PI4KA: variants seen among roughly 807,000 people sequenced by gnomAD.
PI4KA encodes phosphatidylinositol 4-kinase alpha.
In PI4KA, 122 loss-of-function variants were observed where a neutral mutation model predicts 271.4. The observed-to-expected ratio is 0.45, with a 90% CI of 0.39 to 0.52. The LOEUF (loss-of-function observed/expected upper bound fraction) is 0.52, where lower values mean the gene tolerates loss of function less well. Ranked by LOEUF, PI4KA falls within the 20% of genes least tolerant of loss-of-function variation. PI4KA has a pLI of 0.00. For missense variants in PI4KA, 1,969 were observed against 2,769.1 expected, an observed-to-expected ratio of 0.71 and a Z score of 6.48; for synonymous variants, 1,041 against 1,078.8, an observed-to-expected ratio of 0.96 and a Z score of 0.69.
At chr22:20,826,427 A>C (rs1385451801) in intron 3 of PI4KA, among the ~76,000 whole-genome samples, 1 of 152,174 alleles carries the variant, frequency 6.6e-6, no homozygotes, top group Non-Finnish European at 1.5e-5. Flanking sequence ...TACACATACG[A>C]CATTTTCTTT....
Position 20,788,707 on chromosome 22 carries a change from C to A in PI4KA, c.2328+4486G>T, listed in dbSNP as rs191763718. On this transcript the variant is annotated intron_variant, in intron 19 of 54. Coordinates refer to ENST00000255882, the MANE Select transcript of PI4KA (RefSeq NM_058004.4). ...GAACCCTGATGCTGCGGATGGCCCA[C>A]TCCTTCAATTCATTCTCCAATCTGC... is the stretch of plus-strand genomic sequence containing the variant. 5.6e-3 allele frequency among the ~76,000 whole-genome samples: 859 copies of A among 152,292 alleles called. 5 individuals carry two copies. Among genetic ancestry groups the A allele is most frequent in the African/African-American group, 0.019 (797 of 41,556 alleles).
intron 3 of PI4KA, among the ~76,000 whole-genome samples, chr22:20,828,805 G>A (rs538070425): frequency 5.9e-5 from 9 of 152,136 alleles, no homozygotes; most frequent in African/African-American, 1.2e-4. Context: ...CGCCCACCTC[G>A]GCCTCCCAAA....
At chr22:20,810,820 G>A (rs572986519) in intron 9 of PI4KA, 147 bp downstream of exon 9, 44 of 696,216 alleles carry the variant, frequency 6.3e-5, no homozygotes, top group South Asian at 4.8e-4. Context: ...AGCCCTCCGC[G>A]GCAGGTGGAT....
chr22:20,752,229 A>C (rs1230654657), intron 25 of PI4KA, among the ~76,000 whole-genome samples: 1 of 152,232 alleles, frequency 6.6e-6, no homozygotes, highest in Non-Finnish European at 1.5e-5. Context: ...CAGGAAGCCC[A>C]GCTCAGACAC....
At chr22:20,722,247 T>C (rs988359318) in intron 42 of PI4KA, among the ~76,000 whole-genome samples, 1 of 152,150 alleles carries the variant, frequency 6.6e-6, no homozygotes, top group African/African-American at 2.4e-5. Context: ...AGTGCAGTGG[T>C]ACAATCTCAG....
intron 3 of PI4KA, among the ~76,000 whole-genome samples, chr22:20,829,390 G>GTA (rs1160242601): frequency 6.6e-6 from 1 of 152,080 alleles, no homozygotes; most frequent in Non-Finnish European, 1.5e-5. Flanking sequence ...TTGGTAGGTT[G>GTA]TATATGTCCA....
chr22:20,727,770 C>T lies in PI4KA; in HGVS notation c.4773+4G>A, dbSNP rs1483295254. 1.2e-6 allele frequency: 2 copies of T among 1,611,896 alleles called. No homozygotes were observed. Among genetic ancestry groups the T allele is most frequent in the Admixed American group, 1.7e-5 (1 of 59,998 alleles). On this transcript the variant is annotated splice_donor_region_variant and intron_variant, in intron 40 of 54. Transcript: ENST00000255882. ...CTCAGGCCCTGGTACGTGGGCTACA[C>T]TACCTTGATTGCTTCAGGCACATCA...
At chr22:20,786,998 C>T (rs758948990) in intron 19 of PI4KA, 43 of 1,614,076 alleles carry the variant, frequency 2.7e-5, no homozygotes, top group Non-Finnish European at 3.6e-5. Context: ...CTTTCTTTTC[C>T]TCATCTACGA....
chr22:20,857,249 G>A (rs1927711997), intron 1 of PI4KA, among the ~76,000 whole-genome samples: 1 of 152,188 alleles, frequency 6.6e-6, no homozygotes, highest in Non-Finnish European at 1.5e-5. Context: ...TTTAAATTCA[G>A]AGGTTCCATT....
rs1182827954 is a variant in PI4KA at position 20,858,581 on chromosome 22, A to C, written c.145T>G (p.Ser49Ala). The C allele has an allele frequency of 7.0e-7, 1 of 1,427,166 alleles. No homozygotes were observed. 88.4% of individuals were successfully genotyped at this position (1,427,166 alleles called of 1,614,324 possible). A position where few individuals can be genotyped will look rare whatever the true frequency, so the allele number is the denominator to read the frequency against. Reference sequence around the variant, plus strand: ...CCCGCCGACGTTACCTTCTCCAAGGATGCTGGTCTCTGCACCGCCAGGGAG... The same window carrying C: ...CCCGCCGACGTTACCTTCTCCAAGGCTGCTGGTCTCTGCACCGCCAGGGAG... The part of the protein sequence containing the change: ...ARSLAVQRPA[S>A]LEKVQKLLCM... Residue 49 changes from serine to alanine, a missense_variant, in exon 1 of 55, where the codon TCC becomes GCC. Transcript: ENST00000255882.
At chr22:20,850,450 A>T (rs532992743) in intron 1 of PI4KA, among the ~76,000 whole-genome samples, 241 of 149,338 alleles carry the variant, frequency 1.6e-3, no homozygotes, top group African/African-American at 4.4e-3. Context: ...TTAAAAAAAA[A>T]TTTTTTTTTT....
At chr22:20,812,012 CAAAAA>C (rs361795) in intron 8 of PI4KA, among the ~76,000 whole-genome samples, 2 of 77,468 alleles carry the variant, frequency 2.6e-5, no homozygotes, top group East Asian at 3.4e-4. Context: ...GACTCCATCT[CAAAAA>C]AAAAAAAAAA....
At chr22:20,738,988 G>C (rs1249602355) in intron 32 of PI4KA, among the ~76,000 whole-genome samples, 1 of 143,660 alleles carries the variant, frequency 7.0e-6, no homozygotes, top group Non-Finnish European at 1.5e-5. Flanking sequence ...GGATCACAAG[G>C]TCAGGAGATC....
chr22:20,807,453 G>A lies in PI4KA; in HGVS notation c.1077C>T (p.Asn359=). 1 of 1,607,852 alleles carries A rather than the reference G, an allele frequency of 6.2e-7. No homozygotes were observed. Among genetic ancestry groups the A allele is most frequent in the Non-Finnish European group, 8.5e-7 (1 of 1,174,320 alleles). The change falls in exon 10 of 55, where the codon AAC becomes AAT. Residue 359 remains asparagine (N), a synonymous_variant. Transcript: ENST00000255882. The part of the protein sequence containing the change: ...DAIVASVMEA[N]PSADLYYTSF... ...AAGTGTAGTAGAGATCAGCACTGGG[G>A]TTGGCCTGCAGGGAAGGCAGACACA...
In PI4KA at chr22:20,753,116, C is replaced by T. The variant is rs146456725; in HGVS notation, c.2856G>A (p.Ala952=). 4.0e-5 allele frequency: 64 copies of T among 1,613,936 alleles called. No homozygotes were observed. The highest frequency in any genetic ancestry group is 1.7e-4 in the Middle Eastern group (1 of 6,026). The change falls in exon 24 of 55, where the codon GCG becomes GCA. Residue 952 remains alanine (A), a synonymous_variant. Coordinates refer to ENST00000255882, the MANE Select transcript of PI4KA (RefSeq NM_058004.4). ...KVFDAFLNMM[A]DKAKTKENEE... is the part of the protein sequence containing the mutation. The stretch of plus-strand genomic sequence containing the variant: ...TCATGCTGGAGAGGCTTACTTTATC[C>T]GCCATCATGTTCAGGAAGGCATCGA...
intron 19 of PI4KA, chr22:20,780,124 A>G (rs773235940): frequency 3.7e-6 from 6 of 1,614,200 alleles, no homozygotes; most frequent in Non-Finnish European, 5.1e-6. Flanking sequence ...AAGCTCACCA[A>G]GGGCCTCATA....
At chr22:20,822,506 C>G (rs761922038) in intron 4 of PI4KA, among the ~76,000 whole-genome samples, 1 of 152,216 alleles carries the variant, frequency 6.6e-6, no homozygotes, top group Non-Finnish European at 1.5e-5. Flanking sequence ...CTGTGATTCC[C>G]AGCTTTGTGC....
At chr22:20,714,827 T>A in intron 45 of PI4KA, 127 bp from the exon 46 acceptor site, 2 of 1,107,260 alleles carry the variant, frequency 1.8e-6, no homozygotes, top group South Asian at 3.2e-5. Context: ...TGGAGGGGCC[T>A]CTGGTCCTTG....
chr22:20,712,673 G>C lies in PI4KA; in HGVS notation c.5676+20C>G. 5 of 1,553,780 alleles carry C rather than the reference G, an allele frequency of 3.2e-6. No individual in the cohort carries two copies. Among genetic ancestry groups the C allele is most frequent in the Non-Finnish European group, 4.4e-6 (5 of 1,145,376 alleles). ...CGAGGTGCCCAGGGCTGCCCTACTG[G>C]CTCCACTCAGGGAACTTACCCCAGG... is the stretch of plus-strand genomic sequence containing the variant. On this transcript the variant is annotated intron_variant, in intron 49 of 54. Coordinates refer to ENST00000255882, the MANE Select transcript of PI4KA (RefSeq NM_058004.4).
Sources: allele counts gnomAD v4.1 joint callset (sites outside exome capture counted in the v4.1 genomes callset), GRCh38; gene constraint gnomAD v4.1.1; transcripts MANE v1.5; gene names NCBI Gene and HGNC (gene_info 2026-07-23, HGNC 2026-07-21).